CDH12: variants seen among roughly 807,000 people sequenced by gnomAD.
CDH12 encodes the protein cadherin 12, also known as cadherin-12.
In CDH12, 41 loss-of-function variants were observed where a neutral mutation model predicts 74.1. The ratio of observed to expected loss-of-function variants is 0.55; its 90% CI spans 0.43 to 0.72. The LOEUF (loss-of-function observed/expected upper bound fraction) is 0.72, where lower values mean the gene tolerates loss of function less well. CDH12 is among the 30% of genes least tolerant of loss of function. The pLI is 0.00. For synonymous variants in CDH12, 399 were observed against 355.0 expected (o/e 1.12, Z -1.39); for missense variants, 945 against 977.2 (o/e 0.97, Z 0.44).
intron 3 of CDH12, among the ~76,000 whole-genome samples, chr5:22,351,305 T>C (rs1049674682): frequency 6.6e-6 from 1 of 152,172 alleles, no homozygotes; most frequent in African/African-American, 2.4e-5. Flanking sequence ...TCTGGCTGCA[T>C]TGAAGTCATG....
chr5:21,903,373 C>A (rs552801961), intron 6 of CDH12, among the ~76,000 whole-genome samples: 2 of 152,066 alleles, frequency 1.3e-5, no homozygotes, highest in East Asian at 3.9e-4. Context: ...GTTTGAAAAA[C>A]GTACGTAAGA....
chr5:22,059,288 T>C (rs1740995333), intron 5 of CDH12, among the ~76,000 whole-genome samples: 1 of 144,752 alleles, frequency 6.9e-6, no homozygotes, highest in Admixed American at 7.0e-5. Flanking sequence ...TCTATCTATC[T>C]ATCTATCATC....
At chr5:22,673,536 G>A (rs1234497556) in intron 1 of CDH12, among the ~76,000 whole-genome samples, 1 of 151,994 alleles carries the variant, frequency 6.6e-6, no homozygotes, top group Non-Finnish European at 1.5e-5. Context: ...TTTTATTAAT[G>A]TACTTTTAAT....
chr5:22,068,947 C>A, intron 5 of CDH12, among the ~76,000 whole-genome samples: 1 of 152,146 alleles, frequency 6.6e-6, no homozygotes, highest in South Asian at 2.1e-4. Context: ...CAGTAAATCC[C>A]CAATATGGCA....
At chr5:21,816,918 C>A in intron 9 of CDH12, 27 bp downstream of exon 9, 2 of 1,384,028 alleles carry the variant, frequency 1.4e-6, no homozygotes, top group South Asian at 2.8e-5. Context: ...ATTTAGTAGT[C>A]AACTGTCCCA....
At chr5:21,985,312 G>T (rs1174296264) in intron 5 of CDH12, among the ~76,000 whole-genome samples, 1 of 151,946 alleles carries the variant, frequency 6.6e-6, no homozygotes, top group African/African-American at 2.4e-5. Context: ...AACATATATG[G>T]ACAAAAGCAA....
chr5:22,656,623 C>T (rs1238769762), intron 1 of CDH12, among the ~76,000 whole-genome samples: 3 of 152,108 alleles, frequency 2.0e-5, no homozygotes, highest in Non-Finnish European at 2.9e-5. Flanking sequence ...AAATATTTGG[C>T]AGTGTCTACC....
At position 22,296,968 on chromosome 5, in the gene CDH12, T is replaced by C. The variant is rs544373593; in HGVS notation, c.-332-84325A>G. On this transcript the variant is annotated intron_variant, in intron 3 of 14. Transcript: ENST00000382254. ...GAAAAGAAAACAGTTATCACACATA[T>C]TTCTTTTATTCTTTTCTTTCTTTCT... Among the ~76,000 whole-genome samples the C allele has an allele frequency of 1.6e-4, 23 of 142,950 alleles. No individual in the cohort carries two copies. In the South Asian group the frequency reaches 5.1e-3, roughly 32 times the overall value. 93.8% of individuals were successfully genotyped at this position (142,950 alleles called of 152,430 possible). A position where few individuals can be genotyped will look rare whatever the true frequency, so the allele number is the denominator to read the frequency against.
intron 3 of CDH12, among the ~76,000 whole-genome samples, chr5:22,307,747 T>C: frequency 6.6e-6 from 1 of 152,108 alleles, no homozygotes; most frequent in East Asian, 1.9e-4. Flanking sequence ...GGTGACAAAC[T>C]GCTATCCCAA....
chr5:22,152,090 G>A (rs1010869172), intron 4 of CDH12: 2 of 151,922 alleles, frequency 1.3e-5, no homozygotes, highest in African/African-American at 4.8e-5. Context: ...TCTCGTTCTG[G>A]AATTCCTCTA....
chr5:22,064,152 G>A (rs751035029), intron 5 of CDH12, among the ~76,000 whole-genome samples: 7 of 152,090 alleles, frequency 4.6e-5, no homozygotes, highest in Non-Finnish European at 7.4e-5. Context: ...GCAACCAAAT[G>A]TGGATCAGAA....
At chr5:22,243,687 T>C (rs1470650712) in intron 3 of CDH12, among the ~76,000 whole-genome samples, 2 of 152,196 alleles carry the variant, frequency 1.3e-5, no homozygotes, top group African/African-American at 2.4e-5. Context: ...AATGGTAAAG[T>C]GCATGAGGAT....
chr5:22,144,734 G>A (rs897955655), intron 4 of CDH12, among the ~76,000 whole-genome samples: 10 of 151,752 alleles, frequency 6.6e-5, no homozygotes, highest in Non-Finnish European at 8.8e-5. Flanking sequence ...ACATTTTGAC[G>A]TAATAATTTT....
rs1013357585 is a variant in CDH12 at position 22,536,036 on chromosome 5, T to C, written c.-522-30672A>G. 1.4e-4 allele frequency among the ~76,000 whole-genome samples: 21 copies of C among 152,294 alleles called. No individual in the cohort carries two copies. The South Asian group carries it at 2.5e-3, about 18-fold the overall frequency. On this transcript the variant is annotated intron_variant, in intron 1 of 14. Coordinates refer to ENST00000382254, the MANE Select transcript of CDH12 (RefSeq NM_004061.5). ...AGATAATTTAAAGTATATGGGAGGA[T>C]GTGTAGGTTATATGCAAAAACAATG...
chr5:22,482,251 T>C (rs888203281), intron 2 of CDH12, among the ~76,000 whole-genome samples: 1 of 152,176 alleles, frequency 6.6e-6, no homozygotes, highest in African/African-American at 2.4e-5. Flanking sequence ...TTCTGAAGCA[T>C]AATCCAGTAG....
At chr5:22,287,665 G>T (rs1009122256) in intron 3 of CDH12, among the ~76,000 whole-genome samples, 1 of 146,592 alleles carries the variant, frequency 6.8e-6, no homozygotes, top group African/African-American at 2.5e-5. Flanking sequence ...GGAGCTTGCA[G>T]TGAGCCGAGA....
chr5:22,324,145 T>C (rs1738992675), intron 3 of CDH12, among the ~76,000 whole-genome samples: 1 of 152,136 alleles, frequency 6.6e-6, no homozygotes, highest in Non-Finnish European at 1.5e-5. Flanking sequence ...AGTCTTGCAA[T>C]GATGATATTA....
intron 12 of CDH12, among the ~76,000 whole-genome samples, chr5:21,761,723 A>G (rs1415229797): frequency 2.8e-5 from 4 of 143,208 alleles, no homozygotes; most frequent in African/African-American, 1.0e-4. Context: ...GTAGGTAGGT[A>G]GATGGATGGA....
intron 1 of CDH12, among the ~76,000 whole-genome samples, chr5:22,733,082 T>C (rs1204093618): frequency 1.3e-5 from 2 of 151,950 alleles, no homozygotes; most frequent in Non-Finnish European, 2.9e-5. Flanking sequence ...ACTGAAGTTA[T>C]CCCTATGAAG....
Sources: gnomAD v4.1 joint callset for allele counts (sites outside exome capture counted in the v4.1 genomes callset) on GRCh38, gnomAD v4.1.1 for gene constraint, MANE v1.5 for transcripts, NCBI Gene and HGNC (gene_info 2026-07-23, HGNC 2026-07-21) for gene names.